Variants in CCDC7 observed in about 807,000 individuals in gnomAD.
The protein encoded by CCDC7 is coiled-coil domain-containing protein 7.
Under a neutral mutation model 196.9 loss-of-function variants are expected in CCDC7, and 183 were observed. The ratio of observed to expected loss-of-function variants is 0.93; its 90% CI spans 0.82 to 1.05. The LOEUF is 1.05. Among genes scored for constraint, CCDC7 ranks in the 50% least tolerant of loss-of-function variants. The pLI, the probability that CCDC7 is intolerant of heterozygous loss-of-function variation, is 0.00. For missense variants in CCDC7, 1,540 were observed against 1,482.2 expected, an observed-to-expected ratio of 1.04 and a Z score of -0.64; for synonymous variants, 525 against 484.6, an observed-to-expected ratio of 1.08 and a Z score of -1.10.
At chr10:32,720,137 C>T (rs2082186922) in intron 25 of CCDC7, among the ~76,000 whole-genome samples, 1 of 152,072 alleles carries the variant, frequency 6.6e-6, no homozygotes, top group Non-Finnish European at 1.5e-5. Flanking sequence ...GACTTGGAAC[C>T]AACCCAAATG....
rs576465652 is a variant in CCDC7 at position 32,487,535 on chromosome 10, C to T, written c.797-4387C>T. The stretch of plus-strand genomic sequence containing the variant: ...TTGTTCCATTGCTGGTGAGGAGCTG[C>T]GTTCCTTTGGAGGAGGAGAGGCACT... On this transcript the variant is annotated intron_variant, in intron 8 of 41. Coordinates refer to ENST00000639629, the Ensembl canonical transcript of CCDC7. Among the ~76,000 whole-genome samples the T allele has an allele frequency of 5.8e-4, 88 of 152,076 alleles. No individual in the cohort carries two copies. In the Middle Eastern group the frequency reaches 0.014, roughly 24 times the overall value.
intron 6 of CCDC7, among the ~76,000 whole-genome samples, chr10:32,471,943 G>A (rs1467533537): frequency 2.6e-5 from 4 of 152,094 alleles, no homozygotes; most frequent in African/African-American, 7.2e-5. Context: ...GTGTACTAGC[G>A]ATTTTTGTAG....
chr10:32,592,403 T>A (rs1023016154), intron 18 of CCDC7, among the ~76,000 whole-genome samples: 1 of 152,086 alleles, frequency 6.6e-6, no homozygotes, highest in East Asian at 1.9e-4. Context: ...TTTTTCTAGT[T>A]TTTTTAAGGC....
intron 26 of CCDC7, among the ~76,000 whole-genome samples, chr10:32,727,089 TC>T (rs1052032905): frequency 2.4e-4 from 36 of 152,226 alleles, no homozygotes; most frequent in African/African-American, 8.4e-4. Context: ...GCCTACAGTA[TC>T]TTGAAGAGTG....
exon 17 of CCDC7, chr10:32,583,282 C>T: frequency 4.9e-6 from 6 of 1,231,176 alleles, no homozygotes; most frequent in Non-Finnish European, 6.1e-6. Context: ...TTCATTTTAC[C>T]TCCTGTTCTT....
intron 29 of CCDC7, among the ~76,000 whole-genome samples, chr10:32,794,223 G>T (rs1453400391): frequency 2.6e-5 from 4 of 152,180 alleles, no homozygotes; most frequent in Non-Finnish European, 5.9e-5. Flanking sequence ...GTGGCCTCTA[G>T]TTGCATCTAT....
At chr10:32,764,260 C>T (rs1455114917) in intron 28 of CCDC7, among the ~76,000 whole-genome samples, 4 of 151,160 alleles carry the variant, frequency 2.6e-5, no homozygotes, top group African/African-American at 7.3e-5. Flanking sequence ...GTCCCACCAG[C>T]CCCCTAAAGA....
intron 11 of CCDC7, among the ~76,000 whole-genome samples, chr10:32,536,612 G>A (rs953663799): frequency 7.9e-5 from 12 of 152,042 alleles, no homozygotes; most frequent in African/African-American, 2.7e-4. Flanking sequence ...TTATCACCTG[G>A]GTAATAAGCA....
At chr10:32,796,499 A>T (rs1309286647) in intron 29 of CCDC7, among the ~76,000 whole-genome samples, 3 of 152,184 alleles carry the variant, frequency 2.0e-5, no homozygotes, top group Non-Finnish European at 4.4e-5. Context: ...TAGTATGGAT[A>T]TCTTTTTTTG....
intron 13 of CCDC7, 154 bp downstream of exon 14, chr10:32,544,455 G>A: frequency 1.6e-6 from 1 of 615,050 alleles, no homozygotes; most frequent in Admixed American, 3.9e-5. Flanking sequence ...AATTCTTCCT[G>A]AGATAATGTC....
At chr10:32,549,567 A>AC (rs1258066686) in intron 13 of CCDC7, among the ~76,000 whole-genome samples, 1 of 152,028 alleles carries the variant, frequency 6.6e-6, no homozygotes, top group Non-Finnish European at 1.5e-5. Flanking sequence ...TAAGTCCTTA[A>AC]CCCACCTTAA....
intron 20 of CCDC7, among the ~76,000 whole-genome samples, chr10:32,649,219 G>A (rs899613443): frequency 2.0e-5 from 3 of 152,160 alleles, no homozygotes; most frequent in Admixed American, 6.5e-5. Context: ...CTTAATACCT[G>A]GGTGATGGGA....
rs866556148 is a variant in CCDC7 at position 32,660,371 on chromosome 10, T to C, written c.2015-3683T>C. 9.0e-3 allele frequency among the ~76,000 whole-genome samples: 1,252 copies of C among 139,238 alleles called. 4 individuals are homozygous for C. Among genetic ancestry groups the C allele is most frequent in the Middle Eastern group, 0.028 (8 of 286 alleles). 91.3% of individuals were successfully genotyped at this position (139,238 alleles called of 152,430 possible). A position where few individuals can be genotyped will look rare whatever the true frequency, so the allele number is the denominator to read the frequency against. The stretch of plus-strand genomic sequence containing the variant: ...ATTCCCACCTATGAGTGAGAATATG[T>C]GGTGTTTGGTTTTTTGTTCTTGCGA... On this transcript the variant is annotated intron_variant, in intron 20 of 41. Transcript: ENST00000639629.
At chr10:32,517,923 C>CT (rs772391992) in intron 9 of CCDC7, 22 bp from the exon 11 acceptor site, 8 of 1,585,256 alleles carry the variant, frequency 5.0e-6, no homozygotes, top group Admixed American at 1.8e-5. Context: ...TATAAACACA[C>CT]TTTTTTTGGT....
chr10:32,472,558 ATATG>A lies in CCDC7; in HGVS notation c.739+18_739+21del. ...AAAATTGAAGGTGATAATATTTTAT[ATATG>A]TTTATCCTTAAAAATTTTATTAAAA... On this transcript the variant is annotated intron_variant, in intron 7 of 41. Transcript: ENST00000639629. 1 of 1,537,342 alleles carries A rather than the reference ATATG, an allele frequency of 6.5e-7. No homozygotes were observed. The highest frequency in any genetic ancestry group is 8.7e-7 in the Non-Finnish European group (1 of 1,143,250).
intron 13 of CCDC7, among the ~76,000 whole-genome samples, chr10:32,554,356 T>A (rs1019547632): frequency 2.6e-5 from 4 of 152,192 alleles, no homozygotes; most frequent in Admixed American, 6.5e-5. Flanking sequence ...CTGTTCAAAT[T>A]GTTACAAAGT....
chr10:32,735,896 T>C (rs2084779109), intron 28 of CCDC7, among the ~76,000 whole-genome samples: 1 of 152,212 alleles, frequency 6.6e-6, no homozygotes, highest in Admixed American at 6.5e-5. Flanking sequence ...TGTGGATGAC[T>C]AGTTATTCCA....
chr10:32,845,059 A>G (rs1005779936), intron 33 of CCDC7, among the ~76,000 whole-genome samples, 184 bp from the exon 35 acceptor site: 9 of 151,814 alleles, frequency 5.9e-5, no homozygotes, highest in African/African-American at 2.2e-4. Context: ...ACTAATATTT[A>G]TGGTTTATTC....
At chr10:32,560,806 A>G (rs2055411471) in intron 13 of CCDC7, among the ~76,000 whole-genome samples, 1 of 152,302 alleles carries the variant, frequency 6.6e-6, no homozygotes, top group Admixed American at 6.5e-5. Flanking sequence ...GACAGGATCA[A>G]ATTCACACAT....
Sources: allele counts gnomAD v4.1 joint callset (sites outside exome capture counted in the v4.1 genomes callset), GRCh38; gene constraint gnomAD v4.1.1; transcripts MANE v1.5; gene names NCBI Gene and HGNC (gene_info 2026-07-23, HGNC 2026-07-21).